The following KSR2 variants were observed in gnomAD, a reference collection of about 807,000 sequenced individuals.
KSR2 encodes the protein kinase suppressor of ras 2.
KSR2 carries 25 observed loss-of-function variants against 107.8 expected under a neutral mutation model. The observed-to-expected ratio is 0.23, with a 90% CI of 0.17 to 0.32. The LOEUF (loss-of-function observed/expected upper bound fraction) is 0.32. Among genes scored for constraint, KSR2 ranks in the 10% least tolerant of loss-of-function variants. The pLI is 1.00. For synonymous variants in KSR2, 480 were observed against 507.0 expected (o/e 0.95, Z 0.71); for missense variants, 887 against 1,268.9 (o/e 0.70, Z 4.57).
intron 1 of KSR2, among the ~76,000 whole-genome samples, chr12:117,957,814 C>T (rs892663007): frequency 6.7e-6 from 1 of 149,498 alleles, no homozygotes; most frequent in Non-Finnish European, 1.5e-5. Context: ...AGGGCCAAGT[C>T]CTCACAGGCT....
At chr12:117,508,392 G>A (rs544822815) in intron 14 of KSR2, among the ~76,000 whole-genome samples, 82 of 152,340 alleles carry the variant, frequency 5.4e-4, no homozygotes, top group African/African-American at 1.8e-3. Context: ...GGGATTGCAC[G>A]TTAGAGAGTA....
At chr12:117,591,161 T>C (rs556691594) in intron 5 of KSR2, among the ~76,000 whole-genome samples, 7 of 152,278 alleles carry the variant, frequency 4.6e-5, no homozygotes, top group African/African-American at 1.7e-4. Context: ...TCACTGTCTC[T>C]TCGTAGAATA....
intron 5 of KSR2, among the ~76,000 whole-genome samples, chr12:117,656,989 T>TATAATAGG (rs1410030993): frequency 0.11 from 4,119 of 37,256 alleles, 167 homozygotes; most frequent in South Asian, 0.35. Flanking sequence ...AGGATATATA[T>TATAATAGG]ATATATATAT....
chr12:117,893,834 G>C (rs1894421245), intron 1 of KSR2, among the ~76,000 whole-genome samples: 1 of 151,050 alleles, frequency 6.6e-6, no homozygotes, highest in African/African-American at 2.4e-5. Flanking sequence ...CAGTAACCAA[G>C]ATAAATATAT....
At chr12:117,857,248 T>C (rs1278842214) in intron 2 of KSR2, among the ~76,000 whole-genome samples, 1 of 151,918 alleles carries the variant, frequency 6.6e-6, no homozygotes, top group East Asian at 1.9e-4. Context: ...TTTGTAGAGA[T>C]AGGATCTCAC....
intron 11 of KSR2, 28 bp from the exon 12 acceptor site, chr12:117,531,041 A>G: frequency 3.7e-6 from 6 of 1,603,220 alleles, no homozygotes; most frequent in Non-Finnish European, 4.3e-6. Flanking sequence ...AACACTCAGA[A>G]AAAAAATGTG....
At chr12:117,690,139 T>G (rs1229647979) in intron 4 of KSR2, among the ~76,000 whole-genome samples, 1 of 152,178 alleles carries the variant, frequency 6.6e-6, no homozygotes, top group Non-Finnish European at 1.5e-5. Context: ...ATGGCCACAG[T>G]CTTCCAACCT....
At chr12:117,554,910 C>G (rs191135915) in intron 9 of KSR2, among the ~76,000 whole-genome samples, 1 of 152,310 alleles carries the variant, frequency 6.6e-6, no homozygotes, top group East Asian at 1.9e-4. Flanking sequence ...CTCCTCCCAT[C>G]CGTTGTGCCT....
At chr12:117,583,211 G>A (rs184933657) in intron 5 of KSR2, among the ~76,000 whole-genome samples, 7 of 151,934 alleles carry the variant, frequency 4.6e-5, no homozygotes, top group Admixed American at 3.3e-4. Context: ...ATGGATGCAT[G>A]GATAGATGGA....
chr12:117,926,480 G>A (rs1359593968), intron 1 of KSR2, among the ~76,000 whole-genome samples: 2 of 152,230 alleles, frequency 1.3e-5, no homozygotes, highest in Non-Finnish European at 2.9e-5. Flanking sequence ...AGTCTGACTT[G>A]CAGATATCAG....
At chr12:117,777,013 A>G (rs1413266974) in intron 3 of KSR2, among the ~76,000 whole-genome samples, 2 of 150,370 alleles carry the variant, frequency 1.3e-5, no homozygotes, top group Non-Finnish European at 2.9e-5. Context: ...TGGTCATCTT[A>G]TCATCCACTC....
intron 1 of KSR2, among the ~76,000 whole-genome samples, chr12:117,890,021 C>A (rs1338053325): frequency 6.6e-6 from 1 of 152,178 alleles, no homozygotes; most frequent in East Asian, 1.9e-4. Flanking sequence ...TTGCTAGAAT[C>A]CCCCCAACCC....
chr12:117,720,511 C>G (rs1887164430), intron 4 of KSR2, among the ~76,000 whole-genome samples: 1 of 152,204 alleles, frequency 6.6e-6, no homozygotes, highest in South Asian at 2.1e-4. Flanking sequence ...GAGGCAGAGG[C>G]AAGATCGATA....
intron 4 of KSR2, among the ~76,000 whole-genome samples, chr12:117,725,171 GA>G (rs1887376517): frequency 6.6e-6 from 1 of 151,470 alleles, no homozygotes; most frequent in South Asian, 2.1e-4. Context: ...GAAATAACAA[GA>G]AGCAAAATAT....
intron 3 of KSR2, among the ~76,000 whole-genome samples, chr12:117,768,849 G>C (rs1213923178): frequency 6.6e-5 from 10 of 152,236 alleles, no homozygotes; most frequent in Admixed American, 6.5e-4. Flanking sequence ...GGCACAGAGA[G>C]GTCAAGTGGC....
At chr12:117,819,872 G>C (rs1891502062) in intron 3 of KSR2, among the ~76,000 whole-genome samples, 1 of 151,990 alleles carries the variant, frequency 6.6e-6, no homozygotes, top group Non-Finnish European at 1.5e-5. Context: ...GAAGGAGAAA[G>C]GGCATCAGAT....
intron 4 of KSR2, among the ~76,000 whole-genome samples, chr12:117,715,555 T>C (rs1886947041): frequency 6.6e-6 from 1 of 152,218 alleles, no homozygotes; most frequent in African/African-American, 2.4e-5. Context: ...TTAATCCCCA[T>C]ACAGTTGTTT....
intron 17 of KSR2, among the ~76,000 whole-genome samples, chr12:117,473,830 A>G (rs1871619957): frequency 6.6e-6 from 1 of 152,180 alleles, no homozygotes; most frequent in African/African-American, 2.4e-5. Context: ...TTCCAGGTGA[A>G]TCTCAGCACC....
At chr12:117,663,459 T>C (rs148460172) in intron 5 of KSR2, among the ~76,000 whole-genome samples, 2 of 152,222 alleles carry the variant, frequency 1.3e-5, no homozygotes, top group African/African-American at 4.8e-5. Flanking sequence ...CCGATTGCTA[T>C]TATTAACATG....
Sources: gnomAD v4.1 joint callset for allele counts (sites outside exome capture counted in the v4.1 genomes callset) on GRCh38, gnomAD v4.1.1 for gene constraint, MANE v1.5 for transcripts, NCBI Gene and HGNC (gene_info 2026-07-23, HGNC 2026-07-21) for gene names.